Variants in SATB2 observed in about 807,000 individuals in gnomAD.
The protein encoded by SATB2 is SATB homeobox 2.
A neutral mutation model predicts 73.4 loss-of-function variants in SATB2; 1 was observed. That is an observed-to-expected ratio of 0.01 (90% confidence interval 0.00 to 0.06). SATB2 has a LOEUF of 0.06. Among genes scored for constraint, SATB2 ranks in the 10% least tolerant of loss-of-function variants. The pLI is 1.00. For synonymous variants in SATB2, 397 were observed against 367.0 expected, an observed-to-expected ratio of 1.08 and a Z score of -0.93; for missense variants, 459 against 945.8, an observed-to-expected ratio of 0.49 and a Z score of 6.75.
At chr2:199,378,550 C>G (rs1273685524) in intron 5 of SATB2, among the ~76,000 whole-genome samples, 1 of 152,102 alleles carries the variant, frequency 6.6e-6, no homozygotes, top group Non-Finnish European at 1.5e-5. Context: ...AACATAAGGT[C>G]AGAATAATGT....
chr2:199,381,923 G>T, intron 3 of SATB2, 103 bp from the exon 4 acceptor site: 1 of 1,312,734 alleles, frequency 7.6e-7, no homozygotes, highest in Non-Finnish European at 1.1e-6. Context: ...CAACATCCAA[G>T]GCCCACTCAG....
chr2:199,408,298 G>A (rs1314314099), intron 3 of SATB2, among the ~76,000 whole-genome samples: 2 of 152,050 alleles, frequency 1.3e-5, no homozygotes, highest in Admixed American at 1.3e-4. Context: ...GAATAAGAAT[G>A]TATTAAATTA....
chr2:199,325,428 C>CTACA (rs1479936926), intron 8 of SATB2: 1 of 152,170 alleles, frequency 6.6e-6, no homozygotes, highest in Non-Finnish European at 1.5e-5. Context: ...GGACACTGCA[C>CTACA]TACACACTGC....
intron 10 of SATB2, among the ~76,000 whole-genome samples, chr2:199,281,804 T>G (rs2105724374): frequency 6.6e-6 from 1 of 152,248 alleles, no homozygotes; most frequent in Middle Eastern, 3.4e-3. Context: ...GTGAGCTACA[T>G]ATTGGCATAC....
At chr2:199,405,006 T>C (rs1329253365) in intron 3 of SATB2, among the ~76,000 whole-genome samples, 2 of 152,208 alleles carry the variant, frequency 1.3e-5, no homozygotes, top group African/African-American at 4.8e-5. Context: ...ACTCAATGCA[T>C]GGAAACAGTT....
chr2:199,469,325 G>T (rs1692658124), upstream of SATB2, among the ~76,000 whole-genome samples: 1 of 152,132 alleles, frequency 6.6e-6, no homozygotes, highest in South Asian at 2.1e-4. Flanking sequence ...CCTCAGCTCC[G>T]AGGTCTTCCC....
intron 9 of SATB2, among the ~76,000 whole-genome samples, chr2:199,318,449 A>C (rs1687795373): frequency 6.6e-6 from 1 of 152,138 alleles, no homozygotes; most frequent in Admixed American, 6.5e-5. Flanking sequence ...TACATAAAAA[A>C]GTTGTCCTAA....
chr2:199,409,222 T>TACAAAGG (rs1482511099), intron 3 of SATB2, among the ~76,000 whole-genome samples: 2 of 140,654 alleles, frequency 1.4e-5, no homozygotes, highest in Non-Finnish European at 3.1e-5. Context: ...CAGGCTAGAG[T>TACAAAGG]ACAATGGCAC....
intron 2 of SATB2, among the ~76,000 whole-genome samples, chr2:199,447,425 T>C (rs543130514): frequency 1.3e-5 from 2 of 152,270 alleles, no homozygotes; most frequent in East Asian, 3.9e-4. Flanking sequence ...GGGTGCTCAT[T>C]ATTCAGCCTC....
intron 10 of SATB2, among the ~76,000 whole-genome samples, chr2:199,304,899 A>G (rs1687386516): frequency 6.6e-6 from 1 of 152,228 alleles, no homozygotes; most frequent in Non-Finnish European, 1.5e-5. Context: ...TGGGGCTGAC[A>G]ATGTCCCTCA....
intron 2 of SATB2, among the ~76,000 whole-genome samples, chr2:199,436,429 A>C (rs191574331): frequency 0.032 from 4,849 of 151,800 alleles, 256 homozygotes; most frequent in African/African-American, 0.11. Context: ...CTATTTAAAA[A>C]AAAACAAAAC....
intron 3 of SATB2, among the ~76,000 whole-genome samples, chr2:199,390,834 C>A (rs1438060992): frequency 1.3e-5 from 2 of 152,186 alleles, no homozygotes; most frequent in East Asian, 3.9e-4. Context: ...CTATCAATTG[C>A]ATGCTCCCAG....
At chr2:199,380,316 T>C in intron 5 of SATB2, 48 bp downstream of exon 5, 1 of 1,612,798 alleles carries the variant, frequency 6.2e-7, no homozygotes, top group Non-Finnish European at 8.5e-7. Context: ...ATAGAGAGTC[T>C]ACCAATGGCT....
At chr2:199,426,421 T>C (rs1030292200) in intron 3 of SATB2, among the ~76,000 whole-genome samples, 3 of 152,010 alleles carry the variant, frequency 2.0e-5, no homozygotes, top group African/African-American at 7.2e-5. Flanking sequence ...CCACAGTAGC[T>C]GGGATTACAG....
chr2:199,431,837 C>T (rs1429767772), intron 3 of SATB2, among the ~76,000 whole-genome samples: 1 of 152,214 alleles, frequency 6.6e-6, no homozygotes, highest in Non-Finnish European at 1.5e-5. Flanking sequence ...AAACAGGAAG[C>T]TGGCACACCA....
At chr2:199,328,142 C>T (rs1274635012) in intron 8 of SATB2, among the ~76,000 whole-genome samples, 1 of 152,150 alleles carries the variant, frequency 6.6e-6, no homozygotes, top group Non-Finnish European at 1.5e-5. Context: ...CCCTCACCTA[C>T]CACGTATGGA....
At chr2:199,423,426 A>G (rs555183724) in intron 3 of SATB2, among the ~76,000 whole-genome samples, 1 of 152,170 alleles carries the variant, frequency 6.6e-6, no homozygotes, top group Non-Finnish European at 1.5e-5. Context: ...TCTGCAAAGT[A>G]AGAGTGGTAA....
rs187102174 is a variant in SATB2, at chr2:199,441,615, G to A, written c.170-8101C>T. ...TGGACAATAAGAACAAAAATAGGCA[G>A]GGATGAGGATGGGAGAGTGGACGCT... On this transcript the variant is annotated intron_variant, in intron 2 of 10. Coordinates refer to ENST00000417098, the MANE Select transcript of SATB2 (RefSeq NM_001172509.2). Among the ~76,000 whole-genome samples the A allele has an allele frequency of 8.7e-3, 1,321 of 152,252 alleles. 6 individuals are homozygous for A. The highest frequency in any genetic ancestry group is 0.013 in the Non-Finnish European group (860 of 68,014).
upstream of SATB2, among the ~76,000 whole-genome samples, chr2:199,461,723 G>T (rs368175845): frequency 6.6e-6 from 1 of 152,112 alleles, no homozygotes; most frequent in Admixed American, 6.5e-5. Flanking sequence ...GTAAAAGGCC[G>T]CCTGTTTTTC....
Sources: allele counts gnomAD v4.1 joint callset (sites outside exome capture counted in the v4.1 genomes callset), GRCh38; gene constraint gnomAD v4.1.1; transcripts MANE v1.5; gene names NCBI Gene and HGNC (gene_info 2026-07-23, HGNC 2026-07-21).